Variants in NPEPPS observed in about 807,000 individuals in gnomAD.
NPEPPS encodes the protein aminopeptidase puromycin sensitive.
NPEPPS carries 14 observed loss-of-function variants against 115.5 expected under a neutral mutation model. The observed-to-expected ratio is 0.12, with a 90% CI of 0.08 to 0.19. NPEPPS has a LOEUF of 0.19. Ranked by LOEUF, NPEPPS falls within the 10% of genes least tolerant of loss-of-function variation. The pLI, the probability that NPEPPS is intolerant of heterozygous loss-of-function variation, is 1.00. For missense variants in NPEPPS, 523 were observed against 1,110.8 expected, an observed-to-expected ratio of 0.47 and a Z score of 7.52; for synonymous variants, 285 against 390.6, an observed-to-expected ratio of 0.73 and a Z score of 3.19.
In NPEPPS at chr17:47,619,520, C is replaced by CTCCA. The variant is rs1914411626; in HGVS notation, c.2560-216_2560-213dup. ...GGTGAGCCGAGATGAGGTCATTGCA[C>CTCCA]TCCAGCCTGGGCAACAAGTGTGAAA... On this transcript the variant is annotated intron_variant, in intron 21 of 22. Transcript: ENST00000322157. The CTCCA allele has an allele frequency of 1.1e-4, 62 of 553,080 alleles. 2 individuals carry two copies. In the South Asian group the frequency reaches 1.2e-3, roughly 11 times the overall value. The allele number at this position is 553,080 out of a possible 1,614,324, so 34.3% of individuals were successfully genotyped here. A position where few individuals can be genotyped will look rare whatever the true frequency, so the allele number is the denominator to read the frequency against.
chr17:47,532,196 C>G lies in NPEPPS; in HGVS notation c.255+641C>G, dbSNP rs573746514. Among the ~76,000 whole-genome samples the G allele has an allele frequency of 2.4e-4, 36 of 152,224 alleles. No homozygotes were observed. In the South Asian group the frequency reaches 2.7e-3, roughly 11 times the overall value. On this transcript the variant is annotated intron_variant, in intron 1 of 22. Transcript: ENST00000322157. ...TTTCCAAGATGATCCGCCCCCTCCC[C>G]CTTTCCCTCAAGTGACAGTGCAGCA...
intron 2 of NPEPPS, among the ~76,000 whole-genome samples, chr17:47,562,459 T>G (rs901965920): frequency 6.6e-6 from 1 of 152,158 alleles, no homozygotes; most frequent in African/African-American, 2.4e-5. Context: ...TCTACTGTGT[T>G]GATGATTGTG....
chr17:47,612,606 G>C lies in NPEPPS; in HGVS notation c.2238+4G>C. The C allele has an allele frequency of 1.2e-6, 2 of 1,610,666 alleles. No homozygotes were observed. Among genetic ancestry groups the C allele is most frequent in the Non-Finnish European group, 1.7e-6 (2 of 1,178,336 alleles). On this transcript the variant is annotated splice_donor_region_variant and intron_variant, in intron 18 of 22. Coordinates refer to ENST00000322157, the MANE Select transcript of NPEPPS (RefSeq NM_006310.4). The stretch of plus-strand genomic sequence containing the variant: ...CTCCGCTGATCTGAGGAGTCCTGTA[G>C]GTTTTCATCATAAATTCCCTTGACT...
At chr17:47,546,530 A>G (rs1909230244) in intron 2 of NPEPPS, among the ~76,000 whole-genome samples, 1 of 152,116 alleles carries the variant, frequency 6.6e-6, no homozygotes, top group Admixed American at 6.6e-5. Flanking sequence ...TTTTATTTTT[A>G]AATTTATTTT....
At chr17:47,617,986 G>A (rs544617499) in intron 19 of NPEPPS, among the ~76,000 whole-genome samples, 26 of 151,946 alleles carry the variant, frequency 1.7e-4, no homozygotes, top group African/African-American at 5.8e-4. Context: ...CGATTCTCCC[G>A]CCTCGGCCTC....
chr17:47,530,716 C>A (rs1011817092), upstream of NPEPPS, among the ~76,000 whole-genome samples: 4 of 152,196 alleles, frequency 2.6e-5, no homozygotes, highest in African/African-American at 9.6e-5. Flanking sequence ...TTAACAGGAA[C>A]TAAGGCCAGA....
At chr17:47,603,446 A>G (rs1201920321) in intron 15 of NPEPPS, 1 of 152,290 alleles carries the variant, frequency 6.6e-6, no homozygotes, top group Non-Finnish European at 1.5e-5. Flanking sequence ...GTCAGTAATT[A>G]CCTCACGCCA....
At chr17:47,524,309 C>A (rs1242293698) in intron 1 of NPEPPS, among the ~76,000 whole-genome samples, 2 of 145,230 alleles carry the variant, frequency 1.4e-5, no homozygotes. Flanking sequence ...AACTTTGTCT[C>A]AAAAAAAAAA....
intron 1 of NPEPPS, among the ~76,000 whole-genome samples, chr17:47,545,299 T>G (rs1347644345): frequency 6.6e-6 from 1 of 152,230 alleles, no homozygotes; most frequent in Non-Finnish European, 1.5e-5. Flanking sequence ...GCCCAGCCCT[T>G]TAATAGTTTA....
intron 17 of NPEPPS, among the ~76,000 whole-genome samples, chr17:47,611,474 A>AAG (rs1555612737): frequency 6.7e-6 from 1 of 149,768 alleles, no homozygotes; most frequent in Non-Finnish European, 1.5e-5. Context: ...AAAAAAAAAA[A>AAG]GAGACAAGGT....
At chr17:47,534,199 C>T (rs1167615942) in intron 1 of NPEPPS, among the ~76,000 whole-genome samples, 1 of 152,108 alleles carries the variant, frequency 6.6e-6, no homozygotes, top group East Asian at 1.9e-4. Flanking sequence ...TCACGCCATT[C>T]TCCTGCTTCA....
chr17:47,533,339 G>T (rs1052242271), intron 1 of NPEPPS, among the ~76,000 whole-genome samples: 1 of 151,698 alleles, frequency 6.6e-6, no homozygotes, highest in Non-Finnish European at 1.5e-5. Context: ...ATTTGAGAAG[G>T]TTATTTGGGA....
At chr17:47,561,227 A>G (rs1035242508) in intron 2 of NPEPPS, among the ~76,000 whole-genome samples, 3 of 151,822 alleles carry the variant, frequency 2.0e-5, no homozygotes, top group African/African-American at 7.3e-5. Flanking sequence ...ATAGACATAA[A>G]GGGGGCCTGG....
intron 14 of NPEPPS, 121 bp from the exon 15 acceptor site, chr17:47,601,487 A>G (rs961486028): frequency 5.9e-6 from 6 of 1,008,486 alleles, no homozygotes; most frequent in South Asian, 1.4e-5. Flanking sequence ...ATGTACCACT[A>G]AGAATGAACT....
intron 1 of NPEPPS, among the ~76,000 whole-genome samples, chr17:47,532,089 G>C (rs535575756): frequency 3.3e-4 from 50 of 152,210 alleles, no homozygotes; most frequent in East Asian, 9.7e-4. Context: ...TTCTAGAAGG[G>C]GGGGGAGAGG....
chr17:47,547,526 A>AT (rs1255330541), intron 2 of NPEPPS, among the ~76,000 whole-genome samples: 2 of 151,742 alleles, frequency 1.3e-5, no homozygotes, highest in Admixed American at 6.6e-5. Context: ...TCGTATTTGT[A>AT]TTTTTTTATA....
Position 47,621,998 on chromosome 17 carries a change from T to A in NPEPPS, c.*78T>A. ...GGAGCTACCGAACAGCTGATTCATA[T>A]GCCAAGAATTTGGAGTCTTCTTTCA... On this transcript the variant is annotated 3_prime_UTR_variant, in exon 23 of 23. Transcript: ENST00000322157. The A allele has an allele frequency of 7.0e-7, 1 of 1,429,812 alleles. No individual in the cohort carries two copies. The highest frequency in any genetic ancestry group is 1.4e-5 in the African/African-American group (1 of 70,654). The allele number at this position is 1,429,812 out of a possible 1,614,324, so 88.6% of individuals were successfully genotyped here.
At chr17:47,532,803 T>C (rs1907919604) in intron 1 of NPEPPS, among the ~76,000 whole-genome samples, 2 of 152,204 alleles carry the variant, frequency 1.3e-5, no homozygotes, top group Admixed American at 1.3e-4. Context: ...GAAGTATTGT[T>C]TGATTTTGGA....
At chr17:47,599,153 G>A (rs1913043563) in intron 13 of NPEPPS, among the ~76,000 whole-genome samples, 1 of 152,028 alleles carries the variant, frequency 6.6e-6, no homozygotes, top group African/African-American at 2.4e-5. Flanking sequence ...CTGAATCAAT[G>A]TAAAAGGTTT....
Sources: gnomAD v4.1 joint callset for allele counts (sites outside exome capture counted in the v4.1 genomes callset) on GRCh38, gnomAD v4.1.1 for gene constraint, MANE v1.5 for transcripts, NCBI Gene and HGNC (gene_info 2026-07-23, HGNC 2026-07-21) for gene names.